AMOTL1: variants seen among roughly 807,000 people sequenced by gnomAD.
AMOTL1 encodes the protein angiomotin like 1, also known as angiomotin-like protein 1.
In AMOTL1, 45 loss-of-function variants were observed where a neutral mutation model predicts 102.9. The observed-to-expected ratio is 0.44, with a 90% confidence interval of 0.34 to 0.56. The LOEUF (loss-of-function observed/expected upper bound fraction) is 0.56, where lower values mean the gene tolerates loss of function less well. AMOTL1 is among the 20% of genes least tolerant of loss of function. AMOTL1 has a pLI of 0.01. For missense variants in AMOTL1, 1,114 were observed against 1,225.6 expected, an observed-to-expected ratio of 0.91 and a Z score of 1.36; for synonymous variants, 481 against 484.7, an observed-to-expected ratio of 0.99 and a Z score of 0.10.
intron 3 of AMOTL1, among the ~76,000 whole-genome samples, chr11:94,810,578 A>T (rs1321710984): frequency 2.6e-5 from 4 of 151,696 alleles, no homozygotes; most frequent in African/African-American, 4.8e-5. Context: ...AGACAAACTT[A>T]TCTGTTTACA....
chr11:94,822,569 A>G (rs983060654), intron 4 of AMOTL1, among the ~76,000 whole-genome samples: 4 of 152,240 alleles, frequency 2.6e-5, no homozygotes, highest in Non-Finnish European at 4.4e-5. Context: ...CCTTGCCTCA[A>G]CATGAGAGGG....
intron 6 of AMOTL1, among the ~76,000 whole-genome samples, chr11:94,843,315 G>T (rs1952344206): frequency 6.6e-6 from 1 of 152,118 alleles, no homozygotes; most frequent in Non-Finnish European, 1.5e-5. Flanking sequence ...GCTCTTTTTG[G>T]ATTCTATTTT....
chr11:94,795,860 A>G (rs1951357160), intron 2 of AMOTL1, among the ~76,000 whole-genome samples: 1 of 152,234 alleles, frequency 6.6e-6, no homozygotes, highest in African/African-American at 2.4e-5. Flanking sequence ...TTTTATTTGA[A>G]TGTGCTTGTT....
At chr11:94,742,372 G>T (rs570064051) in intron 3 of AMOTL1, among the ~76,000 whole-genome samples, 1 of 152,332 alleles carries the variant, frequency 6.6e-6, no homozygotes, top group African/African-American at 2.4e-5. Context: ...AAGCCATTTG[G>T]TCCTCTTAAA....
intron 1 of AMOTL1, among the ~76,000 whole-genome samples, chr11:94,782,419 G>T (rs531022409): frequency 2.8e-4 from 43 of 152,162 alleles, no homozygotes; most frequent in Admixed American, 2.2e-3. Context: ...TAACAAATGG[G>T]ATTTTGTTGA....
chr11:94,850,922 CTGT>C (rs1471477056), intron 7 of AMOTL1, among the ~76,000 whole-genome samples: 1 of 152,202 alleles, frequency 6.6e-6, no homozygotes, highest in East Asian at 1.9e-4. Context: ...ACTAACCCAA[CTGT>C]TGTTGAATTT....
intron 1 of AMOTL1, among the ~76,000 whole-genome samples, chr11:94,720,737 A>G (rs4475878): frequency 0.75 from 114,126 of 152,044 alleles, 47,073 homozygotes; most frequent in Non-Finnish European, 0.92. Flanking sequence ...TGCCCTGATT[A>G]AGCGAGATTT....
At chr11:94,714,897 C>T (rs1362101737) in intron 1 of AMOTL1, among the ~76,000 whole-genome samples, 1 of 151,602 alleles carries the variant, frequency 6.6e-6, no homozygotes, top group African/African-American at 2.4e-5. Context: ...AATTTTTTTC[C>T]TTCCGCTTGA....
chr11:94,850,054 G>T (rs1175686265), intron 6 of AMOTL1, 60 bp from the exon 7 acceptor site: 2 of 1,504,240 alleles, frequency 1.3e-6, no homozygotes, highest in East Asian at 4.9e-5. Context: ...TCGACTGGCC[G>T]TGAGCCCAGA....
intron 10 of AMOTL1, among the ~76,000 whole-genome samples, chr11:94,865,388 T>G (rs1222424586): frequency 6.6e-6 from 1 of 152,214 alleles, no homozygotes; most frequent in Non-Finnish European, 1.5e-5. Flanking sequence ...CCTAGGCCTC[T>G]TATTTTGCAG....
chr11:94,813,352 G>T (rs988582306), intron 3 of AMOTL1, among the ~76,000 whole-genome samples: 4 of 152,154 alleles, frequency 2.6e-5, no homozygotes, highest in African/African-American at 9.7e-5. Flanking sequence ...CTCCATCTGG[G>T]CTCAGGATGT....
chr11:94,866,166 T>G lies in AMOTL1; in HGVS notation c.2486T>G (p.Ile829Arg), dbSNP rs199747672. The G allele has an allele frequency of 1.5e-5, 24 of 1,613,628 alleles. No individual in the cohort carries two copies. In the Middle Eastern group the frequency reaches 8.3e-4, roughly 56 times the overall value. ...KKEEKTWKGS[I>R]GLLLGKEHHE... ...GAAGAGAAGACCTGGAAGGGGAGCATAGGTGAGCCCCACACCTCTGTCAGA... is the reference window on the plus strand; with the variant it reads ...GAAGAGAAGACCTGGAAGGGGAGCAGAGGTGAGCCCCACACCTCTGTCAGA... The change falls in exon 11 of 13, where the codon ATA (isoleucine) becomes AGA (arginine). Residue 829 changes from isoleucine to arginine, a missense_variant and splice_region_variant. Ile to Arg is a moderately conservative substitution (Grantham distance 97). Transcript: ENST00000433060.
rs919138053 is a variant in AMOTL1, at chr11:94,876,638, T to C, written c.*5843T>C. On this transcript the variant is annotated 3_prime_UTR_variant, in exon 13 of 13. Transcript: ENST00000433060. ...TGCTGCTTAAACTTGTGCCTTAATA[T>C]TGTACATAATAAATGGATAAAATGG... is the stretch of plus-strand genomic sequence containing the variant. 1.6e-4 allele frequency: 25 copies of C among 152,768 alleles called. No individual in the cohort carries two copies. The highest frequency in any genetic ancestry group is 6.0e-4 in the African/African-American group (25 of 41,576). 9.5% of individuals were successfully genotyped at this position (152,768 alleles called of 1,614,324 possible).
chr11:94,766,902 C>T (rs996164096), upstream of AMOTL1, among the ~76,000 whole-genome samples: 1 of 152,180 alleles, frequency 6.6e-6, no homozygotes, highest in Non-Finnish European at 1.5e-5. Context: ...TTGTTTTCTC[C>T]TCGTTTCTGG....
chr11:94,866,933 G>A (rs1178177690), intron 11 of AMOTL1, among the ~76,000 whole-genome samples: 2 of 152,122 alleles, frequency 1.3e-5, no homozygotes, highest in Non-Finnish European at 2.9e-5. Flanking sequence ...CTTGTTGGCT[G>A]GCTGGGCTAG....
At chr11:94,766,648 T>C (rs2135507897), upstream of AMOTL1, among the ~76,000 whole-genome samples, 1 of 152,346 alleles carries the variant, frequency 6.6e-6, no homozygotes, top group South Asian at 2.1e-4. Context: ...CCCTTCACTG[T>C]CCATAAGATA....
At chr11:94,807,219 G>A (rs1951581850) in intron 3 of AMOTL1, among the ~76,000 whole-genome samples, 1 of 152,102 alleles carries the variant, frequency 6.6e-6, no homozygotes. Flanking sequence ...TAAACCCTCT[G>A]TTCACTATGT....
chr11:94,811,748 A>G (rs1951687027), intron 3 of AMOTL1, among the ~76,000 whole-genome samples: 1 of 152,210 alleles, frequency 6.6e-6, no homozygotes, highest in Non-Finnish European at 1.5e-5. Context: ...CACAATTTAT[A>G]CAATTACTGA....
At chr11:94,755,098 T>C (rs1175008157) in intron 3 of AMOTL1, among the ~76,000 whole-genome samples, 3 of 152,214 alleles carry the variant, frequency 2.0e-5, no homozygotes, top group Non-Finnish European at 4.4e-5. Flanking sequence ...ACTTGATTGC[T>C]GCTATGCATA....
Sources: allele counts gnomAD v4.1 joint callset (sites outside exome capture counted in the v4.1 genomes callset), GRCh38; gene constraint gnomAD v4.1.1; transcripts MANE v1.5; gene names NCBI Gene and HGNC (gene_info 2026-07-23, HGNC 2026-07-21).